Variants in CLPX observed in about 807,000 individuals in gnomAD.
The protein encoded by CLPX is caseinolytic mitochondrial matrix peptidase chaperone subunit X.
In CLPX, 34 loss-of-function variants were observed where a neutral mutation model predicts 76.4. That is an observed-to-expected ratio of 0.45 (90% CI 0.34 to 0.59). The LOEUF (loss-of-function observed/expected upper bound fraction) is 0.59, where lower values mean the gene tolerates loss of function less well. Ranked by LOEUF, CLPX falls within the 20% of genes least tolerant of loss-of-function variation. The pLI is 0.01. For synonymous variants in CLPX, 248 were observed against 270.9 expected (o/e 0.92, Z 0.83); for missense variants, 613 against 757.0 (o/e 0.81, Z 2.23).
chr15:65,169,790 T>C (rs2140636115), intron 3 of CLPX, among the ~76,000 whole-genome samples: 1 of 151,992 alleles, frequency 6.6e-6, no homozygotes, highest in South Asian at 2.1e-4. Flanking sequence ...AGTTTCGCTC[T>C]TGTTGCCCAG....
Position 65,185,231 on chromosome 15 carries a change from C to G in CLPX, c.-78G>C. The G allele has an allele frequency of 7.9e-7, 1 of 1,267,224 alleles. No individual in the cohort carries two copies. Among genetic ancestry groups the G allele is most frequent in the East Asian group, 2.5e-5 (1 of 39,560 alleles). The allele number at this position is 1,267,224 out of a possible 1,614,324, so 78.5% of individuals were successfully genotyped here. On this transcript the variant is annotated 5_prime_UTR_variant, in exon 1 of 14. Coordinates refer to ENST00000300107, the MANE Select transcript of CLPX (RefSeq NM_006660.5). ...CGGCGTGAATCCTGCCCGCAAGGCG[C>G]GCTGACTCGGTTCCGAACCCTTTCG...
At chr15:65,179,260 C>G (rs1276494520) in intron 2 of CLPX, among the ~76,000 whole-genome samples, 2 of 152,144 alleles carry the variant, frequency 1.3e-5, no homozygotes, top group Non-Finnish European at 2.9e-5. Flanking sequence ...ACATATATAT[C>G]TGCAGTCCTC....
intron 3 of CLPX, among the ~76,000 whole-genome samples, chr15:65,175,173 A>G (rs1382997094): frequency 6.6e-6 from 1 of 152,226 alleles, no homozygotes; most frequent in Non-Finnish European, 1.5e-5. Context: ...TTTACAAACT[A>G]GTATCCAAAT....
chr15:65,159,369 T>C (rs1489200861), intron 6 of CLPX, among the ~76,000 whole-genome samples: 2 of 152,150 alleles, frequency 1.3e-5, no homozygotes, highest in East Asian at 3.9e-4. Context: ...AAAATAAATC[T>C]TTAGGCTAGG....
Position 65,164,059 on chromosome 15 carries a change from C to T in CLPX, c.643G>A (p.Val215Ile), listed in dbSNP as rs775033748. The T allele has an allele frequency of 1.6e-5, 26 of 1,613,388 alleles. No homozygotes were observed. Among genetic ancestry groups the T allele is most frequent in the Non-Finnish European group, 2.0e-5 (24 of 1,179,848 alleles). The change falls in exon 5 of 14, where the codon GTT becomes ATT. Residue 215 changes from valine to isoleucine, a missense_variant. Coordinates refer to ENST00000300107, the MANE Select transcript of CLPX (RefSeq NM_006660.5). ...IPANLRQQAE[V>I]EKQTSLTPRE... ...GGTGTTAATGATGTCTGCTTCTCAA[C>T]CTCTGCTTGCTGTCTCAGATTAGCT...
Position 65,179,069 on chromosome 15 carries a change from G to GA in CLPX, c.241-19dup. ...GCTGATTTCTAACGTTTATGAAGGA[G>GA]AAAAAAGGAAGAGTGTCAATTATTA... On this transcript the variant is annotated intron_variant, in intron 2 of 13. Coordinates refer to ENST00000300107, the MANE Select transcript of CLPX (RefSeq NM_006660.5). The GA allele has an allele frequency of 1.4e-6, 2 of 1,477,480 alleles. No homozygotes were observed. The highest frequency in any genetic ancestry group is 1.9e-6 in the Non-Finnish European group (2 of 1,065,834). The allele number at this position is 1,477,480 out of a possible 1,614,324, so 91.5% of individuals were successfully genotyped here.
chr15:65,166,807 A>T, intron 3 of CLPX, 22 bp from the exon 4 acceptor site: 2 of 1,594,688 alleles, frequency 1.3e-6, no homozygotes, highest in Non-Finnish European at 1.7e-6. Context: ...AACAGACATA[A>T]GTAGAGGGAA....
rs376608462 is a variant in CLPX at position 65,179,050 on chromosome 15, T to G, written c.242A>C (p.Lys81Thr). The G allele has an allele frequency of 3.7e-5, 59 of 1,594,542 alleles. 1 individual carries two copies. Among genetic ancestry groups the G allele is most frequent in the Non-Finnish European group, 5.0e-5 (58 of 1,164,644 alleles). The change falls in exon 3 of 14, where the codon AAA becomes ACA. Residue 81 changes from lysine to threonine, a missense_variant and splice_region_variant. By Grantham distance (78) the Lys-to-Thr change is moderately conservative. This residue lies in a region of CLPX where 163 missense variants were observed against 118.4 expected (regional missense o/e 1.38). Coordinates refer to ENST00000300107, the MANE Select transcript of CLPX (RefSeq NM_006660.5). Reference protein sequence around the residue: ...SKDGSGDGNKKSASEGSSKKS... With the variant: ...SKDGSGDGNKTSASEGSSKKS... ...CTTACTACTTCCCTCACTTGCTGAT[T>G]TCTAACGTTTATGAAGGAGAAAAAA...
intron 1 of CLPX, among the ~76,000 whole-genome samples, chr15:65,184,848 G>A (rs979877076): frequency 1.3e-5 from 2 of 152,272 alleles, no homozygotes; most frequent in African/African-American, 4.8e-5. Flanking sequence ...AAGCGTGCAG[G>A]CAGGCGCGTG....
intron 3 of CLPX, among the ~76,000 whole-genome samples, chr15:65,172,144 G>T (rs773438281): frequency 5.3e-5 from 8 of 152,000 alleles, no homozygotes; most frequent in Non-Finnish European, 1.0e-4. Flanking sequence ...TGTATTTTTA[G>T]TAGAGATGGG....
chr15:65,184,828 G>C (rs970103529), intron 1 of CLPX, among the ~76,000 whole-genome samples: 1 of 152,276 alleles, frequency 6.6e-6, no homozygotes, highest in Non-Finnish European at 1.5e-5. Flanking sequence ...CCCAAAGTCA[G>C]CAGGCCTGAA....
chr15:65,160,613 TCTCTCTCTCTCACACACA>T, intron 6 of CLPX, among the ~76,000 whole-genome samples: 1 of 133,016 alleles, frequency 7.5e-6, no homozygotes, highest in South Asian at 2.7e-4. Flanking sequence ...TCTCTCTCTC[TCTCTCTCTCTCACACACA>T]CACACACACA....
At chr15:65,178,235 T>C (rs768333220) in intron 3 of CLPX, among the ~76,000 whole-genome samples, 2 of 152,238 alleles carry the variant, frequency 1.3e-5, no homozygotes, top group Non-Finnish European at 2.9e-5. Context: ...ATGTGAGATA[T>C]TCAATATGTA....
chr15:65,179,963 C>T, intron 2 of CLPX, 81 bp downstream of exon 2: 1 of 907,866 alleles, frequency 1.1e-6, no homozygotes. Flanking sequence ...ACATATAAGC[C>T]AGTAAGAGAC....
rs2414877 is a variant in CLPX at position 65,166,940 on chromosome 15, G to A, written c.359-155C>T. Among the ~76,000 whole-genome samples the A allele has an allele frequency of 1.6e-3, 248 of 152,226 alleles. 1 individual carries two copies. Among genetic ancestry groups the A allele is most frequent in the African/African-American group, 5.3e-3 (221 of 41,510 alleles). On this transcript the variant is annotated intron_variant, in intron 3 of 13. Coordinates refer to ENST00000300107, the MANE Select transcript of CLPX (RefSeq NM_006660.5). ...CCACACAAACAGCCTCATTTATATA[G>A]CAAGTATACTACAAAGATAGATCAG...
At chr15:65,185,028 C>CG (rs1566988958) in intron 1 of CLPX, 47 bp downstream of exon 1, 1 of 1,435,062 alleles carries the variant, frequency 7.0e-7, no homozygotes, top group East Asian at 2.5e-5. Context: ...GCCAGTCCAC[C>CG]CCCCCCCCGA....
At chr15:65,167,037 G>A (rs1023457682) in intron 3 of CLPX, among the ~76,000 whole-genome samples, 6 of 152,050 alleles carry the variant, frequency 3.9e-5, no homozygotes, top group African/African-American at 1.4e-4. Flanking sequence ...AAAAGATTGC[G>A]TGAAATTTTT....
intron 3 of CLPX, among the ~76,000 whole-genome samples, chr15:65,169,164 C>T (rs1164711866): frequency 6.6e-6 from 1 of 152,020 alleles, no homozygotes; most frequent in East Asian, 1.9e-4. Context: ...GCTGGGACTA[C>T]AGGCGCCTCT....
rs1456781432 is a variant in CLPX at position 65,170,989 on chromosome 15, AT to A, written c.359-4205del. 3.3e-5 allele frequency among the ~76,000 whole-genome samples: 5 copies of A among 151,372 alleles called. No homozygotes were observed. In the East Asian group the frequency reaches 1.0e-3, roughly 31 times the overall value. ...AGGTGCATGCCACCACACCCAGCTC[AT>A]TTTTGTACTTTTAGTAGAGATGGGG... On this transcript the variant is annotated intron_variant, in intron 3 of 13. Transcript: ENST00000300107.
Sources: allele counts gnomAD v4.1 joint callset (sites outside exome capture counted in the v4.1 genomes callset), GRCh38; gene constraint gnomAD v4.1.1; regional missense constraint gnomAD v4.1.1; transcripts MANE v1.5; gene names NCBI Gene and HGNC (gene_info 2026-07-23, HGNC 2026-07-21).